The following ADGRV1 variants were observed in gnomAD, a reference collection of about 807,000 sequenced individuals.
ADGRV1 encodes the protein adhesion G protein-coupled receptor V1.
Under a neutral mutation model 596.2 loss-of-function variants are expected in ADGRV1, and 359 were observed. The ratio of observed to expected loss-of-function variants is 0.60; its 90% confidence interval spans 0.55 to 0.66. ADGRV1 has a LOEUF of 0.66. Among genes scored for constraint, ADGRV1 ranks in the 30% least tolerant of loss-of-function variants. The pLI is 0.00. For synonymous variants in ADGRV1, 2,681 were observed against 2,679.2 expected (o/e 1.00, Z -0.02); for missense variants, 7,274 against 7,575.6 (o/e 0.96, Z 1.48).
At chr5:90,710,152 C>G (rs903323466) in intron 39 of ADGRV1, among the ~76,000 whole-genome samples, 26 of 152,164 alleles carry the variant, frequency 1.7e-4, no homozygotes, top group African/African-American at 6.3e-4. Context: ...ATTACACTCT[C>G]CCTACCCTTT....
At chr5:90,645,877 G>A (rs1028572550) in intron 15 of ADGRV1, 91 bp from the exon 16 acceptor site, 53 of 1,026,870 alleles carry the variant, frequency 5.2e-5, no homozygotes, top group Non-Finnish European at 6.6e-5. Flanking sequence ...TGTTAATGGT[G>A]CTTTTTTAAA....
intron 87 of ADGRV1, among the ~76,000 whole-genome samples, chr5:91,143,331 A>G (rs1331680038): frequency 6.6e-6 from 1 of 152,196 alleles, no homozygotes; most frequent in Non-Finnish European, 1.5e-5. Context: ...TTTGTGTTAC[A>G]GCTCTTTCAG....
intron 87 of ADGRV1, among the ~76,000 whole-genome samples, chr5:91,127,013 G>A (rs28487898): frequency 0.014 from 2,190 of 152,186 alleles, 48 homozygotes; most frequent in African/African-American, 0.05. Context: ...CCAGAATTAC[G>A]GTAACCAAAT....
At chr5:90,907,407 A>G (rs1168317085) in intron 83 of ADGRV1, among the ~76,000 whole-genome samples, 2 of 152,198 alleles carry the variant, frequency 1.3e-5, no homozygotes, top group Non-Finnish European at 2.9e-5. Flanking sequence ...AAAAATTGGC[A>G]GTGGCTCTTC....
chr5:90,691,253 T>A, intron 31 of ADGRV1: 1 of 625,994 alleles, frequency 1.6e-6, no homozygotes, highest in Non-Finnish European at 2.8e-6. Context: ...AGTTTACTAC[T>A]ATAAGACTTT....
intron 89 of ADGRV1, among the ~76,000 whole-genome samples, chr5:91,160,952 T>C (rs1424465281): frequency 1.3e-5 from 2 of 152,192 alleles, no homozygotes; most frequent in Non-Finnish European, 2.9e-5. Flanking sequence ...CTAAACAAGC[T>C]CAGCATGCTT....
At chr5:90,822,565 T>C (rs1763669359) in intron 75 of ADGRV1, among the ~76,000 whole-genome samples, 1 of 152,218 alleles carries the variant, frequency 6.6e-6, no homozygotes, top group Non-Finnish European at 1.5e-5. Flanking sequence ...GGTAGCGTGA[T>C]GCCTCCAGCT....
At chr5:90,696,876 C>A in intron 33 of ADGRV1, 61 bp from the exon 34 acceptor site, 1 of 1,231,188 alleles carries the variant, frequency 8.1e-7, no homozygotes, top group Non-Finnish European at 1.1e-6. Flanking sequence ...TTGGGCCTTT[C>A]TGAGTTCTCT....
intron 85 of ADGRV1, among the ~76,000 whole-genome samples, chr5:91,062,345 C>A (rs930595755): frequency 3.9e-5 from 6 of 152,166 alleles, no homozygotes; most frequent in African/African-American, 1.4e-4. Flanking sequence ...AGCAGAGTCA[C>A]CAAATTATAA....
At chr5:91,075,759 G>C (rs79630722) in intron 86 of ADGRV1, among the ~76,000 whole-genome samples, 10 of 151,810 alleles carry the variant, frequency 6.6e-5, no homozygotes, top group African/African-American at 2.4e-4. Flanking sequence ...ATATAAAGTG[G>C]ATTTTCTCAT....
intron 86 of ADGRV1, among the ~76,000 whole-genome samples, chr5:91,089,795 G>A (rs1421357320): frequency 1.3e-5 from 2 of 152,096 alleles, no homozygotes; most frequent in African/African-American, 4.8e-5. Context: ...AAAATTATGA[G>A]ACCATTTAGC....
rs755862121 is a variant in ADGRV1 at position 90,681,426 on chromosome 5, A to C, written c.5636A>C (p.Glu1879Ala). Residue 1879 changes from glutamate (E) to alanine (A), a missense_variant, in exon 27 of 90, where the codon GAA becomes GCA. Around this residue, in one of 5 missense-constraint regions of ADGRV1, gnomAD observed 3,643 missense variants for 3,809.2 expected, o/e 0.96. Coordinates refer to ENST00000405460, the MANE Select transcript of ADGRV1 (RefSeq NM_032119.4). ...CTCTTTGTCAGTGGAACTGAACCAG[A>C]AGATGGGTATAGCACTGTTACATTA... ...ESLFVSGTEP[E>A]DGYSTVTLNV... The C allele has an allele frequency of 6.2e-7, 1 of 1,613,866 alleles. No individual in the cohort carries two copies. The highest frequency in any genetic ancestry group is 1.1e-5 in the South Asian group (1 of 91,062).
At chr5:90,834,514 G>A (rs1412497214) in intron 77 of ADGRV1, among the ~76,000 whole-genome samples, 1 of 151,940 alleles carries the variant, frequency 6.6e-6, no homozygotes, top group Non-Finnish European at 1.5e-5. Context: ...AGATGTATGG[G>A]AGCTCCACTC....
chr5:90,628,815 G>A lies in ADGRV1; in HGVS notation c.1492G>A (p.Val498Met), dbSNP rs1765131287. The A allele has an allele frequency of 1.2e-6, 2 of 1,613,982 alleles. No individual in the cohort carries two copies. Among genetic ancestry groups the A allele is most frequent in the Non-Finnish European group, 1.7e-6 (2 of 1,179,860 alleles). Reference sequence around the variant, plus strand: ...TCATACAATACGAGGAGGTGCAGAAGTGAGCGAGCCAGCGGAGGTATAACC... The same window carrying A: ...TCATACAATACGAGGAGGTGCAGAAATGAGCGAGCCAGCGGAGGTATAACC... ...LPHTIRGGAEVSEPAELLFYI... is the reference protein window; with the variant it reads ...LPHTIRGGAEMSEPAELLFYI... Residue 498 changes from valine to methionine, a missense_variant, in exon 8 of 90, where the codon GTG (valine) becomes ATG (methionine). Around this residue, in one of 5 missense-constraint regions of ADGRV1, gnomAD observed 1,715 missense variants for 1,708.8 expected, o/e 1.00. Transcript: ENST00000405460.
chr5:90,777,791 G>T, intron 61 of ADGRV1, 114 bp from the exon 62 acceptor site: 1 of 1,009,922 alleles, frequency 9.9e-7, no homozygotes, highest in Non-Finnish European at 1.4e-6. Context: ...TTATTTAAAA[G>T]AAAACTGTTA....
At chr5:91,001,328 A>G (rs370193340) in intron 85 of ADGRV1, among the ~76,000 whole-genome samples, 2 of 152,072 alleles carry the variant, frequency 1.3e-5, no homozygotes, top group African/African-American at 2.4e-5. Flanking sequence ...TCCTCCCACC[A>G]TGACCTCCCA....
intron 84 of ADGRV1, among the ~76,000 whole-genome samples, chr5:90,979,655 T>TA (rs1411201777): frequency 6.6e-6 from 1 of 152,162 alleles, no homozygotes; most frequent in Admixed American, 6.5e-5. Flanking sequence ...GTGTTGCTGC[T>TA]AAAAAAACAT....
At chr5:91,118,748 CT>C (rs761196610) in intron 87 of ADGRV1, among the ~76,000 whole-genome samples, 2 of 151,416 alleles carry the variant, frequency 1.3e-5, no homozygotes, top group Admixed American at 6.6e-5. Flanking sequence ...TCCTCGAGCA[CT>C]TTTTTTTTAA....
At position 90,763,373 on chromosome 5, in the gene ADGRV1, C is replaced by A. The variant is rs1215292208; in HGVS notation, c.12189C>A (p.Ser4063=). The A allele has an allele frequency of 2.5e-6, 4 of 1,612,546 alleles. No individual in the cohort carries two copies. Among genetic ancestry groups the A allele is most frequent in the Non-Finnish European group, 3.4e-6 (4 of 1,179,132 alleles). ...DSYVTLTVVR[S]PGGKGTVRLE... ...ATGTGACATTGACGGTTGTCCGGTC[C>A]CCAGGAGGAAAAGGAACCGTCCGAC... is the stretch of plus-strand genomic sequence containing the variant. The change falls in exon 59 of 90, where the codon TCC becomes TCA. Residue 4063 remains serine (S), a synonymous_variant. Transcript: ENST00000405460.
Sources: gnomAD v4.1 joint callset for allele counts (sites outside exome capture counted in the v4.1 genomes callset) on GRCh38, gnomAD v4.1.1 for gene constraint, gnomAD v4.1.1 regional missense constraint, MANE v1.5 for transcripts, NCBI Gene and HGNC (gene_info 2026-07-23, HGNC 2026-07-21) for gene names.